MYL1: variants seen among roughly 807,000 people sequenced by gnomAD.
MYL1 encodes myosin light chain 1.
In MYL1, 16 loss-of-function variants were observed where a neutral mutation model predicts 21.8. That is an observed-to-expected ratio of 0.74 (90% CI 0.50 to 1.12). MYL1 has a LOEUF of 1.12. Among genes scored for constraint, MYL1 ranks in the 50% most tolerant of loss-of-function variants. The probability of loss-of-function intolerance (pLI) is 0.00; values close to 1 mark genes in which losing one functional copy is unlikely to be tolerated. For synonymous variants in MYL1, 99 were observed against 85.2 expected (o/e 1.16, Z -0.89); for missense variants, 246 against 241.0 (o/e 1.02, Z -0.14).
intron 3 of MYL1, among the ~76,000 whole-genome samples, chr2:210,297,898 C>T (rs891163176): frequency 3.3e-5 from 5 of 151,972 alleles, no homozygotes; most frequent in Non-Finnish European, 4.4e-5. Flanking sequence ...TTCATTTCCA[C>T]AGCTTTTATC....
chr2:210,292,132 G>C (rs891838278), intron 5 of MYL1, among the ~76,000 whole-genome samples: 2 of 152,114 alleles, frequency 1.3e-5, no homozygotes, highest in Admixed American at 1.3e-4. Flanking sequence ...GCAGTAACGC[G>C]ATCTTCACTC....
At chr2:210,296,086 A>G (rs895910097) in intron 3 of MYL1, among the ~76,000 whole-genome samples, 1 of 152,162 alleles carries the variant, frequency 6.6e-6, no homozygotes, top group Non-Finnish European at 1.5e-5. Context: ...TCTGTTTCCT[A>G]ATGGCAAAGA....
chr2:210,314,959 A>G lies in MYL1; in HGVS notation c.84T>C (p.Pro28=). 1 of 1,613,564 alleles carries G rather than the reference A, an allele frequency of 6.2e-7. No homozygotes were observed. Among genetic ancestry groups the G allele is most frequent in the Non-Finnish European group, 8.5e-7 (1 of 1,179,694 alleles). Reference sequence around the variant, plus strand: ...TTTCTTCTTTGGGTTTGGCTGGGGCAGGGGCAGGTGCAGGTGCCGGTGCCG... The same window carrying G: ...TTTCTTCTTTGGGTTTGGCTGGGGCGGGGGCAGGTGCAGGTGCCGGTGCCG... ...PAPAPAPAPA[P]APAKPKEEKI... Residue 28 remains proline (P), a synonymous_variant, in exon 1 of 7, where the codon CCT becomes CCC. Transcript: ENST00000352451.
chr2:210,291,207 G>T, intron 5 of MYL1, 133 bp from the exon 6 acceptor site: 1 of 698,202 alleles, frequency 1.4e-6, no homozygotes, highest in Non-Finnish European at 2.4e-6. Flanking sequence ...TTGTATTTAA[G>T]GTGTGTATAG....
intron 5 of MYL1, 98 bp downstream of exon 5, chr2:210,293,625 G>A: frequency 1.1e-6 from 1 of 915,066 alleles, no homozygotes; most frequent in Non-Finnish European, 1.8e-6. Flanking sequence ...TCATATGTAT[G>A]TCAATAAGGA....
intron 1 of MYL1, among the ~76,000 whole-genome samples, chr2:210,304,755 C>T (rs1049838715): frequency 1.2e-4 from 18 of 152,292 alleles, no homozygotes; most frequent in Admixed American, 5.2e-4. Context: ...TTATGTTGCC[C>T]AGGCTAGTTT....
intron 2 of MYL1, among the ~76,000 whole-genome samples, chr2:210,301,486 C>T (rs571811430): frequency 6.6e-6 from 1 of 152,002 alleles, no homozygotes; most frequent in East Asian, 1.9e-4. Flanking sequence ...TTATTAATCA[C>T]CTATAATTAT....
rs1415891851 is a variant in MYL1, at chr2:210,290,296, T to C, written c.*186A>G. On this transcript the variant is annotated 3_prime_UTR_variant, in exon 7 of 7. Coordinates refer to ENST00000352451, the MANE Select transcript of MYL1 (RefSeq NM_079420.3). ...AGCAGCAGACACTTTGTTTGTGTGG[T>C]ATGAATTCAATTCAGAGAAAAACTG... 6.6e-6 allele frequency: 1 copy of C among 152,166 alleles called. No homozygotes were observed. Among genetic ancestry groups the C allele is most frequent in the African/African-American group, 2.4e-5 (1 of 41,434 alleles). 9.4% of individuals were successfully genotyped at this position (152,166 alleles called of 1,614,324 possible).
intron 1 of MYL1, chr2:210,303,685 T>A (rs1690298341): frequency 7.8e-7 from 1 of 1,287,230 alleles, no homozygotes; most frequent in Non-Finnish European, 1.1e-6. Context: ...GCATCAGGTT[T>A]CAGAGATAAG....
At chr2:210,302,019 A>G (rs766605614) in intron 2 of MYL1, among the ~76,000 whole-genome samples, 17 of 152,002 alleles carry the variant, frequency 1.1e-4, no homozygotes, top group Non-Finnish European at 1.6e-4. Context: ...TTCTGAATTC[A>G]TTTTTGTTCT....
chr2:210,299,100 A>T (rs990523446), intron 2 of MYL1, among the ~76,000 whole-genome samples: 2 of 152,210 alleles, frequency 1.3e-5, no homozygotes, highest in African/African-American at 4.8e-5. Flanking sequence ...TAGAAAGGTG[A>T]GACAAATCTA....
At chr2:210,300,914 C>T (rs916057304) in intron 2 of MYL1, among the ~76,000 whole-genome samples, 2 of 152,104 alleles carry the variant, frequency 1.3e-5, no homozygotes, top group Admixed American at 1.3e-4. Context: ...ATTTAAGAAA[C>T]TATAGTTTTT....
intron 1 of MYL1, among the ~76,000 whole-genome samples, chr2:210,307,907 A>G (rs190100732): frequency 1.3e-3 from 197 of 152,324 alleles, no homozygotes; most frequent in Non-Finnish European, 2.4e-3. Context: ...TAGAAAAAAT[A>G]TTAAAACGCT....
chr2:210,292,899 G>A (rs576885660), intron 5 of MYL1, among the ~76,000 whole-genome samples: 113 of 152,252 alleles, frequency 7.4e-4, no homozygotes, highest in African/African-American at 1.3e-3. Flanking sequence ...ATAGCCAAAT[G>A]TGAAGAATTG....
At chr2:210,313,649 G>T (rs1690448626) in intron 1 of MYL1, among the ~76,000 whole-genome samples, 1 of 151,554 alleles carries the variant, frequency 6.6e-6, no homozygotes, top group East Asian at 1.9e-4. Context: ...ACAAACTAAA[G>T]ATTAAATATT....
intron 1 of MYL1, 22 bp downstream of exon 1, chr2:210,314,889 A>C: frequency 1.2e-6 from 2 of 1,613,562 alleles, no homozygotes; most frequent in South Asian, 1.1e-5. Context: ...TCAGTGACCA[A>C]ACAGTTCATC....
At chr2:210,314,590 G>T (rs1690461891) in intron 1 of MYL1, among the ~76,000 whole-genome samples, 1 of 151,978 alleles carries the variant, frequency 6.6e-6, no homozygotes, top group Admixed American at 6.6e-5. Context: ...CCCAAACACT[G>T]GTTTAAATAT....
At chr2:210,294,024 A>G (rs1205742912) in intron 4 of MYL1, among the ~76,000 whole-genome samples, 3 of 152,212 alleles carry the variant, frequency 2.0e-5, no homozygotes, top group Non-Finnish European at 2.9e-5. Context: ...AAGAACTACC[A>G]TGCTTTCCTT....
chr2:210,292,560 T>A (rs1484495054), intron 5 of MYL1, among the ~76,000 whole-genome samples: 7 of 151,614 alleles, frequency 4.6e-5, no homozygotes, highest in African/African-American at 1.7e-4. Context: ...TAATTGAATT[T>A]TTTTTTTTTC....
Sources: gnomAD v4.1 joint callset for allele counts (sites outside exome capture counted in the v4.1 genomes callset) on GRCh38, gnomAD v4.1.1 for gene constraint, MANE v1.5 for transcripts, NCBI Gene and HGNC (gene_info 2026-07-23, HGNC 2026-07-21) for gene names.